Variants in MSRA observed in about 807,000 individuals in gnomAD.
The protein encoded by MSRA is mitochondrial peptide methionine sulfoxide reductase.
Under a neutral mutation model 31.3 loss-of-function variants are expected in MSRA, and 54 were observed. That is an observed-to-expected ratio of 1.73 (90% CI 1.39 to 2.17). MSRA has a LOEUF of 2.17. Ranked by LOEUF, MSRA falls within the 30% of genes most tolerant of loss-of-function variation. MSRA has a pLI of 0.00. For synonymous variants in MSRA, 169 were observed against 116.5 expected (o/e 1.45, Z -2.90); for missense variants, 507 against 300.9 (o/e 1.69, Z -5.07).
At chr8:10,251,475 G>A (rs561012354) in intron 3 of MSRA, among the ~76,000 whole-genome samples, 2 of 152,262 alleles carry the variant, frequency 1.3e-5, no homozygotes, top group South Asian at 4.2e-4. Context: ...GAAAATGCAA[G>A]AATTCTGGTG....
chr8:10,228,623 T>C (rs1811201041), intron 2 of MSRA, among the ~76,000 whole-genome samples: 1 of 152,182 alleles, frequency 6.6e-6, no homozygotes, highest in African/African-American at 2.4e-5. Flanking sequence ...CTGACGTTGT[T>C]TCCAGGGAGG....
chr8:10,402,020 A>G (rs1807497432), intron 5 of MSRA, among the ~76,000 whole-genome samples: 1 of 152,228 alleles, frequency 6.6e-6, no homozygotes, highest in South Asian at 2.1e-4. Flanking sequence ...ATTTAATTGT[A>G]TACTTACAAT....
At chr8:10,387,591 G>C (rs2129177638) in intron 5 of MSRA, among the ~76,000 whole-genome samples, 1 of 152,290 alleles carries the variant, frequency 6.6e-6, no homozygotes, top group Non-Finnish European at 1.5e-5. Context: ...GTTCTTCTTA[G>C]CGCTGGTGGA....
intron 2 of MSRA, among the ~76,000 whole-genome samples, chr8:10,241,814 A>C (rs866524177): frequency 6.6e-6 from 1 of 152,344 alleles, no homozygotes; most frequent in Middle Eastern, 3.4e-3. Context: ...CCAATTGTCA[A>C]CTTGCAGAAA....
chr8:10,377,022 C>G (rs1157510271), intron 5 of MSRA, among the ~76,000 whole-genome samples: 2 of 152,216 alleles, frequency 1.3e-5, no homozygotes, highest in African/African-American at 4.8e-5. Context: ...GCCACTGAAG[C>G]CTTCTAGATC....
rs148100838 is a variant in MSRA at position 10,089,494 on chromosome 8, G to A, written c.142+34836G>A. 2.0e-5 allele frequency among the ~76,000 whole-genome samples: 3 copies of A among 152,338 alleles called. No homozygotes were observed. The East Asian group carries it at 5.8e-4, about 29-fold the overall frequency. ...CACATTCCCATGGTCAGTGTCTGAT[G>A]TGGATATAGAAAGCAGCATCTTGTC... On this transcript the variant is annotated intron_variant, in intron 1 of 5. Transcript: ENST00000317173.
intron 1 of MSRA, among the ~76,000 whole-genome samples, chr8:10,067,340 C>T (rs1047926155): frequency 6.6e-6 from 1 of 152,096 alleles, no homozygotes; most frequent in Non-Finnish European, 1.5e-5. Context: ...ATGTCTTTTC[C>T]TGGTTGGATA....
chr8:10,326,845 C>T (rs546148127), intron 5 of MSRA, among the ~76,000 whole-genome samples: 8 of 152,316 alleles, frequency 5.3e-5, no homozygotes, highest in African/African-American at 1.9e-4. Context: ...TTCCCAGTAT[C>T]CTAAACTGAA....
Position 10,193,090 on chromosome 8 carries a change from C to G in MSRA, c.143-14743C>G, listed in dbSNP as rs1262361690. Among the ~76,000 whole-genome samples the G allele has an allele frequency of 2.0e-5, 3 of 152,340 alleles. No individual in the cohort carries two copies. In the East Asian group the frequency reaches 5.8e-4, roughly 29 times the overall value. On this transcript the variant is annotated intron_variant, in intron 1 of 5. Coordinates refer to ENST00000317173, the MANE Select transcript of MSRA (RefSeq NM_012331.5). Reference sequence around the variant, plus strand: ...GGCACTAATATCCTGGCAGACCTATCAAGACATAATTCTCCTCGAAATCAG... The same window carrying G: ...GGCACTAATATCCTGGCAGACCTATGAAGACATAATTCTCCTCGAAATCAG...
At chr8:10,425,273 G>A (rs767863136) in intron 5 of MSRA, among the ~76,000 whole-genome samples, 2 of 152,238 alleles carry the variant, frequency 1.3e-5, no homozygotes, top group African/African-American at 2.4e-5. Context: ...CCAGGCCCAG[G>A]GCGGTGCAGA....
At chr8:10,058,971 G>C (rs1370573393) in intron 1 of MSRA, 1 of 152,124 alleles carries the variant, frequency 6.6e-6, no homozygotes, top group African/African-American at 2.4e-5. Context: ...GGCCTACTTT[G>C]AATGATAGAT....
intron 1 of MSRA, among the ~76,000 whole-genome samples, chr8:10,092,153 C>T (rs1798891368): frequency 6.6e-6 from 1 of 152,054 alleles, no homozygotes; most frequent in Non-Finnish European, 1.5e-5. Context: ...TTTATTTCCA[C>T]TCTAGTCTTT....
In MSRA at chr8:10,419,956, TG is replaced by T. The variant is rs144579241; in HGVS notation, c.544-8190del. ...CTGTAGAGGAGCACAGGGTCAGCGCTGGAAGCTGCTGATACAACAGGCTGGA... is the reference window on the plus strand; with the variant it reads ...CTGTAGAGGAGCACAGGGTCAGCGCTGAAGCTGCTGATACAACAGGCTGGA... On this transcript the variant is annotated intron_variant, in intron 5 of 5. Transcript: ENST00000317173. Among the ~76,000 whole-genome samples, 235 of 152,296 alleles carry T rather than the reference TG, an allele frequency of 1.5e-3. 2 individuals are homozygous for T. The highest frequency in any genetic ancestry group is 5.5e-3 in the African/African-American group (229 of 41,576).
chr8:10,248,712 T>C (rs1489464773), intron 3 of MSRA, among the ~76,000 whole-genome samples: 2 of 152,224 alleles, frequency 1.3e-5, no homozygotes, highest in Non-Finnish European at 2.9e-5. Flanking sequence ...ATAGAAAAGA[T>C]AACATGGCTT....
intron 1 of MSRA, among the ~76,000 whole-genome samples, chr8:10,172,843 T>C (rs1037910098): frequency 6.6e-6 from 1 of 152,232 alleles, no homozygotes; most frequent in Non-Finnish European, 1.5e-5. Context: ...GAACCGATTA[T>C]GTGCCACGCA....
chr8:10,371,892 C>G (rs759265524), intron 5 of MSRA, among the ~76,000 whole-genome samples: 3 of 152,196 alleles, frequency 2.0e-5, no homozygotes, highest in Non-Finnish European at 4.4e-5. Context: ...AAGTTTGGTT[C>G]TCTGACTCTC....
chr8:10,201,119 G>T (rs1466809600), intron 1 of MSRA, among the ~76,000 whole-genome samples: 2 of 152,006 alleles, frequency 1.3e-5, no homozygotes, highest in Non-Finnish European at 2.9e-5. Flanking sequence ...ATATTTTGTT[G>T]GGGTGTTGAC....
intron 3 of MSRA, among the ~76,000 whole-genome samples, chr8:10,269,440 A>G (rs772022503): frequency 6.6e-6 from 1 of 152,212 alleles, no homozygotes; most frequent in Non-Finnish European, 1.5e-5. Context: ...TTACTCGATC[A>G]CTTCTGTAGG....
At chr8:10,403,291 C>T (rs1385938179) in intron 5 of MSRA, among the ~76,000 whole-genome samples, 1 of 152,146 alleles carries the variant, frequency 6.6e-6, no homozygotes, top group South Asian at 2.1e-4. Context: ...GAGTGATGTC[C>T]CAGGAGAAAA....
Sources: allele counts gnomAD v4.1 joint callset (sites outside exome capture counted in the v4.1 genomes callset), GRCh38; gene constraint gnomAD v4.1.1; transcripts MANE v1.5; gene names NCBI Gene and HGNC (gene_info 2026-07-23, HGNC 2026-07-21).